The following PCDH9 variants were observed in gnomAD, a reference collection of about 807,000 sequenced individuals.
PCDH9 encodes protocadherin 9.
In PCDH9, 24 loss-of-function variants were observed where a neutral mutation model predicts 70.6. That is an observed-to-expected ratio of 0.34 (90% CI 0.25 to 0.48). The LOEUF is 0.48. PCDH9 is among the 20% of genes least tolerant of loss of function. PCDH9 has a pLI of 0.99. For missense variants in PCDH9, 1,281 were observed against 1,503.6 expected, an observed-to-expected ratio of 0.85 and a Z score of 2.45; for synonymous variants, 562 against 558.5, an observed-to-expected ratio of 1.01 and a Z score of -0.09.
rs1268040888 is a variant in PCDH9 at position 66,548,695 on chromosome 13, T to C, written c.3340+82515A>G. Among the ~76,000 whole-genome samples, 5 of 152,304 alleles carry C rather than the reference T, an allele frequency of 3.3e-5. No homozygotes were observed. In the East Asian group the frequency reaches 7.7e-4, roughly 24 times the overall value. The stretch of plus-strand genomic sequence containing the variant: ...ATAGTGATATCCACTTTAAAAGGCC[T>C]ACATTTGAGCAAAATAGAGTTTCAT... On this transcript the variant is annotated intron_variant, in intron 4 of 4. Coordinates refer to ENST00000377865, the MANE Select transcript of PCDH9 (RefSeq NM_203487.3).
At chr13:67,170,548 T>G (rs1241523451) in intron 2 of PCDH9, among the ~76,000 whole-genome samples, 2 of 151,546 alleles carry the variant, frequency 1.3e-5, no homozygotes, top group African/African-American at 4.8e-5. Context: ...CCTATAAGAA[T>G]TAAACTTTTG....
intron 4 of PCDH9, among the ~76,000 whole-genome samples, chr13:66,526,217 A>G (rs1015925694): frequency 2.6e-5 from 4 of 152,146 alleles, no homozygotes; most frequent in Non-Finnish European, 5.9e-5. Context: ...GAGAAGAAAT[A>G]ATGCTATTTA....
chr13:66,853,715 G>A (rs1374376982), intron 3 of PCDH9, among the ~76,000 whole-genome samples: 1 of 151,838 alleles, frequency 6.6e-6, no homozygotes, highest in Non-Finnish European at 1.5e-5. Context: ...AATAAACCTT[G>A]GGATAATGAC....
intron 3 of PCDH9, among the ~76,000 whole-genome samples, chr13:66,813,581 A>T (rs531051026): frequency 6.6e-6 from 1 of 152,184 alleles, no homozygotes; most frequent in Non-Finnish European, 1.5e-5. Context: ...AACAGTATTT[A>T]TCTGGATTTT....
intron 2 of PCDH9, among the ~76,000 whole-genome samples, chr13:67,024,526 T>G (rs2084741455): frequency 6.6e-6 from 1 of 152,144 alleles, no homozygotes; most frequent in Non-Finnish European, 1.5e-5. Flanking sequence ...TACTATAATT[T>G]ATGCTGTTGA....
At chr13:66,533,691 A>C (rs894665557) in intron 4 of PCDH9, among the ~76,000 whole-genome samples, 1 of 152,172 alleles carries the variant, frequency 6.6e-6, no homozygotes, top group Non-Finnish European at 1.5e-5. Context: ...TGCAAACAGT[A>C]TGTTGAGCTT....
chr13:66,963,613 C>T (rs975579478), intron 2 of PCDH9, among the ~76,000 whole-genome samples: 4 of 152,112 alleles, frequency 2.6e-5, no homozygotes, highest in African/African-American at 9.7e-5. Flanking sequence ...AATTTGTCCC[C>T]TTTTCCCGTT....
chr13:67,084,403 T>C (rs1167793875), intron 2 of PCDH9, among the ~76,000 whole-genome samples: 1 of 152,154 alleles, frequency 6.6e-6, no homozygotes, highest in East Asian at 1.9e-4. Context: ...CTTTTCTTCC[T>C]TAACCAACTG....
At chr13:66,807,244 T>C (rs2080425212) in intron 3 of PCDH9, among the ~76,000 whole-genome samples, 1 of 152,172 alleles carries the variant, frequency 6.6e-6, no homozygotes, top group Non-Finnish European at 1.5e-5. Flanking sequence ...ACCATTCCTT[T>C]CCTTCACCTA....
intron 3 of PCDH9, among the ~76,000 whole-genome samples, chr13:66,742,674 G>C (rs9704379): frequency 0.28 from 33,843 of 120,844 alleles, 5,153 homozygotes; most frequent in East Asian, 0.46. Flanking sequence ...CCATCAAAAA[G>C]TGGGCGAAGG....
chr13:66,884,133 A>G (rs907269608), intron 3 of PCDH9, among the ~76,000 whole-genome samples: 4 of 151,832 alleles, frequency 2.6e-5, no homozygotes, highest in Non-Finnish European at 5.9e-5. Flanking sequence ...CATGACCTCA[A>G]GTGATCCGCC....
At chr13:66,463,468 A>G (rs1265776084) in intron 4 of PCDH9, among the ~76,000 whole-genome samples, 1 of 151,768 alleles carries the variant, frequency 6.6e-6, no homozygotes, top group Non-Finnish European at 1.5e-5. Flanking sequence ...AGAGAGAGAG[A>G]AAAAAAAGAG....
chr13:66,680,027 A>G (rs1177388510), intron 3 of PCDH9, among the ~76,000 whole-genome samples: 1 of 151,928 alleles, frequency 6.6e-6, no homozygotes. Context: ...GTTATGTGGT[A>G]AGAATATGCA....
chr13:66,801,861 A>T (rs1452974477), intron 3 of PCDH9, among the ~76,000 whole-genome samples: 1 of 152,106 alleles, frequency 6.6e-6, no homozygotes, highest in Non-Finnish European at 1.5e-5. Flanking sequence ...TCTACAAATA[A>T]TATAAAATCA....
At chr13:67,074,916 T>C (rs1341285470) in intron 2 of PCDH9, among the ~76,000 whole-genome samples, 3 of 152,112 alleles carry the variant, frequency 2.0e-5, no homozygotes, top group Non-Finnish European at 4.4e-5. Context: ...AATTGCCTGG[T>C]ACCCTATCAA....
Position 66,661,212 on chromosome 13 carries a change from A to T in PCDH9, c.3139-29801T>A, listed in dbSNP as rs554997220. On this transcript the variant is annotated intron_variant, in intron 3 of 4. Coordinates refer to ENST00000377865, the MANE Select transcript of PCDH9 (RefSeq NM_203487.3). ...AGATGAAGAACCTTATTTCTTATAG[A>T]AAGTTAGCTGAGCATTTTCCTTTCC... Among the ~76,000 whole-genome samples, 113 of 152,344 alleles carry T rather than the reference A, an allele frequency of 7.4e-4. No individual in the cohort carries two copies. The South Asian group carries it at 0.011, about 15-fold the overall frequency.
chr13:66,848,927 CAAAAA>C (rs745587776), intron 3 of PCDH9, among the ~76,000 whole-genome samples: 2 of 51,300 alleles, frequency 3.9e-5, no homozygotes, highest in East Asian at 1.2e-3. Flanking sequence ...GACTCCGTCT[CAAAAA>C]AAAAAAAAAA....
chr13:66,612,642 T>C (rs1422425863), intron 4 of PCDH9, among the ~76,000 whole-genome samples: 4 of 152,088 alleles, frequency 2.6e-5, no homozygotes, highest in African/African-American at 9.7e-5. Context: ...GACAGCCAGG[T>C]TGGAGGGGAT....
At chr13:67,075,566 C>A (rs999171835) in intron 2 of PCDH9, among the ~76,000 whole-genome samples, 1 of 151,942 alleles carries the variant, frequency 6.6e-6, no homozygotes, top group African/African-American at 2.4e-5. Flanking sequence ...ATGATGGGCA[C>A]ATTTTAGAAA....
Sources: allele counts gnomAD v4.1 joint callset (sites outside exome capture counted in the v4.1 genomes callset), GRCh38; gene constraint gnomAD v4.1.1; transcripts MANE v1.5; gene names NCBI Gene and HGNC (gene_info 2026-07-23, HGNC 2026-07-21).